UBR4: variants seen among roughly 807,000 people sequenced by gnomAD.
UBR4 encodes E3 ubiquitin-protein ligase UBR4.
In UBR4, 124 loss-of-function variants were observed where a neutral mutation model predicts 575.6. The ratio of observed to expected loss-of-function variants is 0.22; its 90% CI spans 0.19 to 0.25. UBR4 has a LOEUF of 0.25. Among genes scored for constraint, UBR4 ranks in the 10% least tolerant of loss-of-function variants. The pLI, the probability that UBR4 is intolerant of heterozygous loss-of-function variation, is 1.00. For missense variants in UBR4, 4,818 were observed against 6,478.8 expected (o/e 0.74, Z 8.80); for synonymous variants, 2,455 against 2,473.7 (o/e 0.99, Z 0.22).
chr1:19,077,670 T>C, intron 104 of UBR4: 1 of 970,978 alleles, frequency 1.0e-6, no homozygotes. Context: ...GATGCAGAGG[T>C]TGCAGTGAGC....
chr1:19,110,114 G>A lies in UBR4; in HGVS notation c.12087C>T (p.Pro4029=). The change falls in exon 81 of 106, where the codon CCC becomes CCT. Residue 4029 remains proline (P), a synonymous_variant. Coordinates refer to ENST00000375254, the MANE Select transcript of UBR4 (RefSeq NM_020765.3). The surrounding 1 kb of genome is among the most constrained non-coding windows in gnomAD (Gnocchi z 4.5). ...CCAGTACCTTGTTCTTCTTGCTAGTGGGAGCAGGTGGTTTTATCAGCTTCT... is the reference window on the plus strand; with the variant it reads ...CCAGTACCTTGTTCTTCTTGCTAGTAGGAGCAGGTGGTTTTATCAGCTTCT... ...ILQKLIKPPA[P]TSKKNKDVPV... is the part of the protein sequence containing the mutation. The A allele has an allele frequency of 6.2e-7, 1 of 1,614,132 alleles. No individual in the cohort carries two copies. The highest frequency in any genetic ancestry group is 1.1e-5 in the South Asian group (1 of 91,082).
At position 19,153,328 on chromosome 1, in the gene UBR4, C is replaced by A; in HGVS notation, c.6805G>T (p.Val2269Phe). ...PSSVISIMKPVRKRKTATITT... is the reference protein window; with the variant it reads ...PSSVISIMKPFRKRKTATITT... ...ATTGTAGCTGTTTTGCGCTTTCGAA[C>A]AGGCTTCATGATGCTGATGACACTG... The change falls in exon 46 of 106, where the codon GTT becomes TTT. Residue 2269 changes from valine to phenylalanine, a missense_variant. By Grantham distance (50) the Val-to-Phe change is conservative. Transcript: ENST00000375254. The surrounding 1 kb of genome is among the most constrained non-coding windows in gnomAD (Gnocchi z 4.1). The A allele has an allele frequency of 6.2e-7, 1 of 1,614,202 alleles. No homozygotes were observed.
intron 101 of UBR4, 70 bp from the exon 102 acceptor site, chr1:19,084,768 G>T: frequency 6.8e-7 from 1 of 1,466,160 alleles, no homozygotes; most frequent in Non-Finnish European, 9.3e-7. Flanking sequence ...GGGAGACAGA[G>T]CCTCCTTCCA....
chr1:19,077,935 A>G, intron 104 of UBR4, 41 bp downstream of exon 104: 2 of 1,613,010 alleles, frequency 1.2e-6, no homozygotes, highest in Middle Eastern at 1.7e-4. Flanking sequence ...GACATTTTAC[A>G]CTCTTGCCAA....
chr1:19,194,335 A>T (rs1413670410), intron 8 of UBR4, among the ~76,000 whole-genome samples: 2 of 152,148 alleles, frequency 1.3e-5, no homozygotes, highest in African/African-American at 4.8e-5. Flanking sequence ...TTAAAAATAA[A>T]ATCTAAGCCA....
chr1:19,116,014 C>A (rs4911974), intron 73 of UBR4, among the ~76,000 whole-genome samples: 49 of 151,952 alleles, frequency 3.2e-4, no homozygotes, highest in Non-Finnish European at 6.2e-4. Context: ...AAGATAAACC[C>A]AGGCTATTTT....
At chr1:19,092,087 G>A (rs2077569905) in intron 97 of UBR4, among the ~76,000 whole-genome samples, 1 of 152,064 alleles carries the variant, frequency 6.6e-6, no homozygotes, top group Admixed American at 6.6e-5. Flanking sequence ...GGGTGCCAGG[G>A]GCTTGTGGCA....
intron 51 of UBR4, among the ~76,000 whole-genome samples, 154 bp downstream of exon 51, chr1:19,147,839 G>A (rs1009237310): frequency 3.3e-5 from 5 of 152,162 alleles, no homozygotes; most frequent in African/African-American, 4.8e-5. Flanking sequence ...TGGCACTTGA[G>A]AATTTCTCAG....
At chr1:19,134,138 G>A (rs1429887182) in intron 60 of UBR4, among the ~76,000 whole-genome samples, 1 of 150,718 alleles carries the variant, frequency 6.6e-6, no homozygotes, top group Non-Finnish European at 1.5e-5. Context: ...GGGCATGGTG[G>A]CAAGCACCTA....
chr1:19,102,838 C>T (rs548381193), intron 87 of UBR4, among the ~76,000 whole-genome samples: 8 of 152,318 alleles, frequency 5.3e-5, no homozygotes, highest in East Asian at 3.9e-4. Flanking sequence ...GATCAGCTAT[C>T]CCTTTCCCCC....
rs771016037 is a variant in UBR4, at chr1:19,099,651, A to G, written c.13248T>C (p.Ser4416=). 6 of 1,614,132 alleles carry G rather than the reference A, an allele frequency of 3.7e-6. No homozygotes were observed. The highest frequency in any genetic ancestry group is 5.1e-6 in the Non-Finnish European group (6 of 1,179,982). The change falls in exon 90 of 106, where the codon AGT becomes AGC. Residue 4416 remains serine (S), a synonymous_variant. Transcript: ENST00000375254. ...AAACTTCAGCCACAGGAAGGTCCAA[A>G]CTAATGATTTTATTGTTCACTAGAA... ...MELLVNNKII[S]LDLPVAEVYK...
Position 19,121,895 on chromosome 1 carries a change from G to A in UBR4, c.9895+39C>T. ...TAGTAGGCCTTAACAGTTCCTGAATGAATGAATAACAGCAATCAAAAGGAG... is the reference window on the plus strand; with the variant it reads ...TAGTAGGCCTTAACAGTTCCTGAATAAATGAATAACAGCAATCAAAAGGAG... On this transcript the variant is annotated intron_variant, in intron 67 of 105. Transcript: ENST00000375254. The A allele has an allele frequency of 3.1e-6, 5 of 1,610,680 alleles. No individual in the cohort carries two copies. In the South Asian group the frequency reaches 4.4e-5, roughly 14 times the overall value.
At chr1:19,172,360 C>T (rs1571422951) in intron 25 of UBR4, among the ~76,000 whole-genome samples, 1 of 151,704 alleles carries the variant, frequency 6.6e-6, no homozygotes, top group African/African-American at 2.4e-5. Context: ...CTACTAAAAA[C>T]ACAAAAATTA....
At chr1:19,184,264 G>T in intron 15 of UBR4, 89 bp from the exon 16 acceptor site, 1 of 1,362,408 alleles carries the variant, frequency 7.3e-7, no homozygotes, top group Non-Finnish European at 1.0e-6. Flanking sequence ...AATAAAATAT[G>T]CTCATAGGTA....
At chr1:19,095,148 GTGTA>G in intron 93 of UBR4, 123 bp from the exon 94 acceptor site, 1 of 1,383,566 alleles carries the variant, frequency 7.2e-7, no homozygotes, top group Admixed American at 1.9e-5. Context: ...GTATGACCGT[GTGTA>G]TGTATGTGCG....
rs556723091 is a variant in UBR4, at chr1:19,093,220, A to G, written c.14111+93T>C. 10 of 1,476,824 alleles carry G rather than the reference A, an allele frequency of 6.8e-6. No homozygotes were observed. The South Asian group carries it at 1.3e-4, about 19-fold the overall frequency. 91.5% of individuals were successfully genotyped at this position (1,476,824 alleles called of 1,614,324 possible). ...GGAGGCCCCAAGGAGGGCAAGGGGC[A>G]CACGTGAAGCTTTATGCCAAGATGC... On this transcript the variant is annotated intron_variant, in intron 96 of 105. Transcript: ENST00000375254. The surrounding 1 kb of genome is among the most constrained non-coding windows in gnomAD (Gnocchi z 4.8).
intron 1 of UBR4, among the ~76,000 whole-genome samples, chr1:19,209,426 C>G (rs2093191405): frequency 6.6e-6 from 1 of 152,176 alleles, no homozygotes; most frequent in South Asian, 2.1e-4. Flanking sequence ...CAGATAGTAC[C>G]GTTTGTAAAA....
Position 19,210,166 on chromosome 1 carries a change from CCCGGGGTCGTGTCCGCCCCCGTTG to C in UBR4, c.59_82del (p.Ala20_Pro27del), listed in dbSNP as rs762883441. ...CAGGGGCCGCACAGCCACCTCCCAG[CCCGGGGTCGTGTCCGCCCCCGTTG>C]CCGGGGTCCCCGGCGCCGGAGCCGC... On this transcript the variant is annotated inframe_deletion, in exon 1 of 106. Transcript: ENST00000375254. 2 of 1,550,468 alleles carry C rather than the reference CCCGGGGTCGTGTCCGCCCCCGTTG, an allele frequency of 1.3e-6. No individual in the cohort carries two copies. Among genetic ancestry groups the C allele is most frequent in the African/African-American group, 2.9e-5 (2 of 70,128 alleles).
In UBR4 at chr1:19,101,776, C is replaced by G. The variant is rs892805510; in HGVS notation, c.12902-135G>C. 4.4e-6 allele frequency: 6 copies of G among 1,369,410 alleles called. No individual in the cohort carries two copies. The African/African-American group carries it at 8.7e-5, about 20-fold the overall frequency. 84.8% of individuals were successfully genotyped at this position (1,369,410 alleles called of 1,614,324 possible). On this transcript the variant is annotated intron_variant, in intron 87 of 105. Transcript: ENST00000375254. ...CTTTAAATGCCCTACATGGCAATAT[C>G]AATAGTTCAAATTGGAAATTTGATG...
Sources: gnomAD v4.1 joint callset for allele counts (sites outside exome capture counted in the v4.1 genomes callset) on GRCh38, gnomAD v4.1.1 for gene constraint, Gnocchi (gnomAD v3.1) non-coding constraint, MANE v1.5 for transcripts, NCBI Gene and HGNC (gene_info 2026-07-23, HGNC 2026-07-21) for gene names.